Variants in CLDN14 observed in about 807,000 individuals in gnomAD.
CLDN14 encodes claudin 14, also known as claudin-14.
CLDN14 carries 2 observed loss-of-function variants against 2.1 expected under a neutral mutation model. That is an observed-to-expected ratio of 0.96 (90% confidence interval 0.39 to 3.01). CLDN14 has a LOEUF of 3.01. Ranked by LOEUF, CLDN14 falls within the 30% of genes most tolerant of loss-of-function variation. The pLI is 0.09. For missense variants in CLDN14, 298 were observed against 328.0 expected, an observed-to-expected ratio of 0.91 and a Z score of 0.71; for synonymous variants, 136 against 154.4, an observed-to-expected ratio of 0.88 and a Z score of 0.88.
At chr21:36,538,508 G>A (rs2087450366) in intron 1 of CLDN14, among the ~76,000 whole-genome samples, 1 of 152,162 alleles carries the variant, frequency 6.6e-6, no homozygotes, top group Non-Finnish European at 1.5e-5. Flanking sequence ...CAGCTACAAG[G>A]GAGGCTGAGG....
chr21:36,479,486 C>G lies in CLDN14; in HGVS notation c.-82+9G>C, dbSNP rs886057052. On this transcript the variant is annotated intron_variant, in intron 1 of 1. Transcript: ENST00000399135. The stretch of plus-strand genomic sequence containing the variant: ...CCACCCCACATCCACAGCTTCACCC[C>G]AAACTCACATGCAGAAAACCTCGAG... 3 of 149,996 alleles carry G rather than the reference C, an allele frequency of 2.0e-5. No individual in the cohort carries two copies. Among genetic ancestry groups the G allele is most frequent in the Non-Finnish European group, 3.0e-5 (2 of 67,478 alleles). 9.3% of individuals were successfully genotyped at this position (149,996 alleles called of 1,614,324 possible).
At chr21:36,543,950 G>A (rs1371377042) in intron 1 of CLDN14, among the ~76,000 whole-genome samples, 2 of 152,224 alleles carry the variant, frequency 1.3e-5, no homozygotes, top group Non-Finnish European at 2.9e-5. Flanking sequence ...GATAGGGACT[G>A]TTTACTTAGC....
chr21:36,524,978 T>C (rs1317493881), intron 1 of CLDN14, among the ~76,000 whole-genome samples: 2 of 152,196 alleles, frequency 1.3e-5, no homozygotes, highest in East Asian at 3.8e-4. Flanking sequence ...CTTGGAGTTC[T>C]GGGCCCTCAA....
chr21:36,536,025 C>A (rs746984325), intron 1 of CLDN14, among the ~76,000 whole-genome samples: 1 of 152,184 alleles, frequency 6.6e-6, no homozygotes, highest in Non-Finnish European at 1.5e-5. Context: ...GGGAGGAGAA[C>A]GCAGCCCTGC....
intron 1 of CLDN14, among the ~76,000 whole-genome samples, chr21:36,512,057 T>C (rs2087190896): frequency 6.6e-6 from 1 of 152,188 alleles, no homozygotes; most frequent in Admixed American, 6.5e-5. Context: ...TGCTGACTGT[T>C]AATGACTCTG....
At position 36,523,759 on chromosome 21, in the gene CLDN14, A is replaced by AAG. The variant is rs1555851375; in HGVS notation, c.-219-13260_-219-13259insCT. On this transcript the variant is annotated intron_variant, in intron 1 of 2. Transcript: ENST00000342108. ...TGAGACTCCATCTAAAAAAAAAAAA[A>AAG]AAAGAAAGAAAGAGAGAAAGAGAGA... Among the ~76,000 whole-genome samples, 2 of 78,128 alleles carry AAG rather than the reference A, an allele frequency of 2.6e-5. 1 individual carries two copies. The allele number at this position is 78,128 out of a possible 152,430, so 51.3% of individuals were successfully genotyped here. A position where few individuals can be genotyped will look rare whatever the true frequency, so the allele number is the denominator to read the frequency against.
intron 1 of CLDN14, among the ~76,000 whole-genome samples, chr21:36,469,241 A>T (rs1319226976): frequency 6.6e-6 from 1 of 152,224 alleles, no homozygotes; most frequent in Non-Finnish European, 1.5e-5. Context: ...AAACCACTTC[A>T]TATTCATTTC....
At chr21:36,534,973 G>C (rs564006649) in intron 1 of CLDN14, among the ~76,000 whole-genome samples, 1 of 152,306 alleles carries the variant, frequency 6.6e-6, no homozygotes. Flanking sequence ...GTGTAATTAT[G>C]GCTAGGGAAG....
At chr21:36,512,824 A>C (rs541710336) in intron 1 of CLDN14, among the ~76,000 whole-genome samples, 12 of 152,368 alleles carry the variant, frequency 7.9e-5, no homozygotes, top group African/African-American at 2.9e-4. Flanking sequence ...GGGAGGACAG[A>C]GAAGGGCACC....
intron 1 of CLDN14, among the ~76,000 whole-genome samples, chr21:36,529,865 A>C (rs2146500303): frequency 6.6e-6 from 1 of 152,344 alleles, no homozygotes; most frequent in Admixed American, 6.5e-5. Flanking sequence ...TGTTTTATGC[A>C]GAACAACGTA....
At position 36,498,608 on chromosome 21, in the gene CLDN14, G is replaced by A. The variant is rs888945849; in HGVS notation, c.-82+11755C>T. 7.9e-5 allele frequency among the ~76,000 whole-genome samples: 12 copies of A among 152,196 alleles called. No individual in the cohort carries two copies. The highest frequency in any genetic ancestry group is 2.9e-4 in the African/African-American group (12 of 41,450). On this transcript the variant is annotated intron_variant, in intron 2 of 2. Transcript: ENST00000342108. The surrounding 1 kb of genome is among the most constrained non-coding windows in gnomAD (Gnocchi z 4.9). The stretch of plus-strand genomic sequence containing the variant: ...ACTGAGCACTGTTGCAGGCGATGGG[G>A]ACGTGGAACTGGTAGGACCGATGGC...
In CLDN14 at chr21:36,502,697, A is replaced by G. The variant is rs2087101260; in HGVS notation, c.-82+7666T>C. Among the ~76,000 whole-genome samples the G allele has an allele frequency of 1.3e-5, 2 of 152,240 alleles. 1 individual carries two copies. Among genetic ancestry groups the G allele is most frequent in the Middle Eastern group, 6.3e-3 (2 of 316 alleles). On this transcript the variant is annotated intron_variant, in intron 2 of 2. Coordinates refer to the CLDN14 transcript ENST00000342108. ...TCTTTAGGAGCCAATATTTCCTTAAATATCATGGTTTCAGTGTTATCCACT... is the reference window on the plus strand; with the variant it reads ...TCTTTAGGAGCCAATATTTCCTTAAGTATCATGGTTTCAGTGTTATCCACT...
intron 1 of CLDN14, among the ~76,000 whole-genome samples, chr21:36,522,941 G>A (rs1022679758): frequency 6.6e-6 from 1 of 152,114 alleles, no homozygotes; most frequent in East Asian, 1.9e-4. Context: ...AGAGGAATTT[G>A]TTCAGGGGAA....
intron 2 of CLDN14, among the ~76,000 whole-genome samples, chr21:36,496,580 C>G (rs986434059): frequency 3.6e-4 from 54 of 149,714 alleles, no homozygotes; most frequent in African/African-American, 1.2e-3. Flanking sequence ...CCTGCTCCCC[C>G]TTCCTAGTCT....
At chr21:36,480,676 G>C (rs945238075), upstream of CLDN14, 2 of 152,182 alleles carry the variant, frequency 1.3e-5, no homozygotes, top group Admixed American at 6.5e-5. Context: ...GAAAATCGTT[G>C]TGGGCGATTC....
upstream of CLDN14, chr21:36,480,585 G>A (rs1019861328): frequency 2.6e-5 from 4 of 152,206 alleles, no homozygotes; most frequent in Non-Finnish European, 5.9e-5. Context: ...GTGGGAATGT[G>A]TAGCCAAAAG....
intron 1 of CLDN14, among the ~76,000 whole-genome samples, chr21:36,510,967 C>A (rs2087181394): frequency 6.6e-6 from 1 of 152,210 alleles, no homozygotes; most frequent in African/African-American, 2.4e-5. Flanking sequence ...GATATGTTTT[C>A]TTCTGATTCT....
chr21:36,572,563 G>A (rs2087717167), intron 1 of CLDN14, among the ~76,000 whole-genome samples: 1 of 152,156 alleles, frequency 6.6e-6, no homozygotes, highest in South Asian at 2.1e-4. Flanking sequence ...GGTAATAAAT[G>A]GAAGTTGGCA....
chr21:36,496,355 T>C (rs1400958212), intron 2 of CLDN14, among the ~76,000 whole-genome samples: 2 of 150,380 alleles, frequency 1.3e-5, no homozygotes, highest in African/African-American at 4.9e-5. Context: ...AAGGATCTCT[T>C]GAGCCCAGGA....
Sources: gnomAD v4.1 joint callset for allele counts (sites outside exome capture counted in the v4.1 genomes callset) on GRCh38, gnomAD v4.1.1 for gene constraint, Gnocchi (gnomAD v3.1) non-coding constraint, MANE v1.5 for transcripts, NCBI Gene and HGNC (gene_info 2026-07-23, HGNC 2026-07-21) for gene names.